Variants in KCNT1 observed in about 807,000 individuals in gnomAD.
The protein encoded by KCNT1 is potassium channel subfamily T member 1.
A neutral mutation model predicts 147.8 loss-of-function variants in KCNT1; 78 were observed. That is an observed-to-expected ratio of 0.53 (90% confidence interval 0.44 to 0.64). The LOEUF (loss-of-function observed/expected upper bound fraction) is 0.64. Among genes scored for constraint, KCNT1 ranks in the 30% least tolerant of loss-of-function variants. KCNT1 has a pLI of 0.00. For synonymous variants in KCNT1, 867 were observed against 748.8 expected (o/e 1.16, Z -2.58); for missense variants, 1,419 against 1,750.3 (o/e 0.81, Z 3.38).
At chr9:135,745,531 A>G (rs1830783807) in intron 2 of KCNT1, among the ~76,000 whole-genome samples, 1 of 152,246 alleles carries the variant, frequency 6.6e-6, no homozygotes, top group Non-Finnish European at 1.5e-5. Flanking sequence ...TGGTTTGAGC[A>G]GACGGGTGCT....
intron 2 of KCNT1, among the ~76,000 whole-genome samples, chr9:135,737,174 A>G (rs1045723152): frequency 6.6e-6 from 1 of 152,184 alleles, no homozygotes; most frequent in Non-Finnish European, 1.5e-5. Flanking sequence ...CCCAGAGGTG[A>G]GTGAGGCCGA....
Position 135,779,462 on chromosome 9 carries a change from C to T in KCNT1, c.2833C>T (p.Leu945=), listed in dbSNP as rs759566793. ...CAGCTACTCTCTGGCTCTTTCCAAA[C>T]TAGAAAAGGTGAGCAGCCCTGCCCC... ...KDSYSLALSK[L]EKRERENGSN... is the part of the protein sequence containing the mutation. Residue 945 remains leucine, a synonymous_variant, in exon 24 of 31, where the codon CTA becomes TTA. Transcript: ENST00000371757. 1 of 1,610,822 alleles carries T rather than the reference C, an allele frequency of 6.2e-7. No individual in the cohort carries two copies. The highest frequency in any genetic ancestry group is 8.5e-7 in the Non-Finnish European group (1 of 1,177,206).
intron 19 of KCNT1, among the ~76,000 whole-genome samples, chr9:135,773,738 T>C (rs1832915629): frequency 6.6e-6 from 1 of 152,266 alleles, no homozygotes; most frequent in Admixed American, 6.5e-5. Context: ...CACACTGTAA[T>C]GACAGCCCAG....
chr9:135,713,830 C>T (rs1835605316), intron 1 of KCNT1, among the ~76,000 whole-genome samples: 1 of 152,188 alleles, frequency 6.6e-6, no homozygotes, highest in Non-Finnish European at 1.5e-5. Context: ...CTTGGGCCCC[C>T]AAGAACTGCA....
intron 11 of KCNT1, among the ~76,000 whole-genome samples, chr9:135,760,216 C>T (rs534016318): frequency 6.6e-6 from 1 of 152,312 alleles, no homozygotes; most frequent in East Asian, 1.9e-4. Context: ...GGTGCAGCAG[C>T]AGCTGCCAGG....
chr9:135,734,896 G>A (rs987234139), intron 2 of KCNT1, among the ~76,000 whole-genome samples: 7 of 152,278 alleles, frequency 4.6e-5, no homozygotes, highest in South Asian at 2.1e-4. Context: ...CAGTCATGGC[G>A]CGGTGAAGGG....
At chr9:135,773,210 C>T (rs1167758439) in intron 19 of KCNT1, among the ~76,000 whole-genome samples, 1 of 152,178 alleles carries the variant, frequency 6.6e-6, no homozygotes, top group Non-Finnish European at 1.5e-5. Flanking sequence ...CCAGTTGGGG[C>T]TGGGGGTGCA....
In KCNT1 at chr9:135,772,944, G is replaced by C; in HGVS notation, c.2238G>C (p.Val746=). ...VTPSDDEGLS[V]VEYVKGYPPN... ...CGTCGGACGACGAGGGGCTCTCCGT[G>C]GTAGAGTGAGTGCTGCCTTGGAGAC... The change falls in exon 19 of 31, where the codon GTG becomes GTC. Residue 746 remains valine, a synonymous_variant. Coordinates refer to ENST00000371757, the MANE Select transcript of KCNT1 (RefSeq NM_020822.3). 1 of 1,485,580 alleles carries C rather than the reference G, an allele frequency of 6.7e-7. No individual in the cohort carries two copies. Among genetic ancestry groups the C allele is most frequent in the Admixed American group, 2.4e-5 (1 of 42,338 alleles). 92.0% of individuals were successfully genotyped at this position (1,485,580 alleles called of 1,614,324 possible).
At chr9:135,780,904 G>A (rs1353490316) in intron 24 of KCNT1, among the ~76,000 whole-genome samples, 16 of 152,220 alleles carry the variant, frequency 1.1e-4, no homozygotes, top group Admixed American at 9.2e-4. Flanking sequence ...AGTCGGGGTC[G>A]AGGCAGTCAT....
intron 27 of KCNT1, 21 bp downstream of exon 27, chr9:135,784,910 C>T (rs1223889910): frequency 6.2e-7 from 1 of 1,609,714 alleles, no homozygotes; most frequent in Non-Finnish European, 8.5e-7. Flanking sequence ...AGCCTGGGGG[C>T]TGGGACTGTG....
intron 24 of KCNT1, among the ~76,000 whole-genome samples, chr9:135,782,730 G>T (rs1326596160): frequency 1.3e-5 from 2 of 152,214 alleles, no homozygotes; most frequent in Non-Finnish European, 2.9e-5. Context: ...TCTGAGTAAA[G>T]GAAAATTAAA....
At chr9:135,748,944 G>A (rs1021835625) in intron 2 of KCNT1, among the ~76,000 whole-genome samples, 7 of 152,320 alleles carry the variant, frequency 4.6e-5, no homozygotes, top group African/African-American at 1.7e-4. Context: ...AGGGCACAGG[G>A]CCATGGCTGG....
intron 1 of KCNT1, among the ~76,000 whole-genome samples, chr9:135,713,381 C>T (rs1835582834): frequency 2.0e-5 from 3 of 152,236 alleles, no homozygotes; most frequent in South Asian, 2.1e-4. Context: ...GTTTGGGGCA[C>T]GCACCTGCTG....
At chr9:135,734,407 A>G (rs1037808972) in intron 2 of KCNT1, among the ~76,000 whole-genome samples, 4 of 152,210 alleles carry the variant, frequency 2.6e-5, no homozygotes, top group African/African-American at 7.2e-5. Context: ...TGTCCTTCCC[A>G]CATGGGAATC....
intron 2 of KCNT1, among the ~76,000 whole-genome samples, chr9:135,746,290 G>T (rs1323586610): frequency 1.3e-5 from 2 of 152,324 alleles, no homozygotes; most frequent in Middle Eastern, 3.4e-3. Context: ...GCTGAGCTCC[G>T]TGGGGGCTAC....
chr9:135,739,568 G>A (rs1385374844), intron 2 of KCNT1, among the ~76,000 whole-genome samples: 2 of 151,824 alleles, frequency 1.3e-5, no homozygotes, highest in Non-Finnish European at 2.9e-5. Context: ...CACGCCCGGC[G>A]CCCCACCCTC....
intron 19 of KCNT1, among the ~76,000 whole-genome samples, chr9:135,774,287 TGTGTGTG>T (rs1832973196): frequency 7.1e-6 from 1 of 141,582 alleles, no homozygotes; most frequent in African/African-American, 2.7e-5. Flanking sequence ...TGTGGTGTGT[TGTGTGTG>T]GTGTGTGTGT....
intron 2 of KCNT1, among the ~76,000 whole-genome samples, chr9:135,718,053 C>T (rs1835786728): frequency 6.6e-6 from 1 of 152,208 alleles, no homozygotes; most frequent in Non-Finnish European, 1.5e-5. Flanking sequence ...GTGGAAACCC[C>T]AAGCTGACCT....
rs146653942 is a variant in KCNT1 at position 135,760,612 on chromosome 9, T to C, written c.1035+753T>C. Reference sequence around the variant, plus strand: ...GGCAGTGCTCCTAGGGAGCCTCTGCTGACCCCAGGCTCAGCCCCAGCTCCC... The same window carrying C: ...GGCAGTGCTCCTAGGGAGCCTCTGCCGACCCCAGGCTCAGCCCCAGCTCCC... On this transcript the variant is annotated intron_variant, in intron 11 of 30. Coordinates refer to ENST00000371757, the MANE Select transcript of KCNT1 (RefSeq NM_020822.3). Among the ~76,000 whole-genome samples, 1,018 of 152,308 alleles carry C rather than the reference T, an allele frequency of 6.7e-3. 8 individuals are homozygous for C. The highest frequency in any genetic ancestry group is 0.023 in the African/African-American group (962 of 41,570).
Sources: gnomAD v4.1 joint callset for allele counts (sites outside exome capture counted in the v4.1 genomes callset) on GRCh38, gnomAD v4.1.1 for gene constraint, MANE v1.5 for transcripts, NCBI Gene and HGNC (gene_info 2026-07-23, HGNC 2026-07-21) for gene names.